GPC6: variants seen among roughly 807,000 people sequenced by gnomAD.
GPC6 encodes the protein glypican 6, also known as glypican-6.
GPC6 carries 14 observed loss-of-function variants against 55.2 expected under a neutral mutation model. The ratio of observed to expected loss-of-function variants is 0.25; its 90% CI spans 0.17 to 0.40. The LOEUF is 0.40. Among genes scored for constraint, GPC6 ranks in the 10% least tolerant of loss-of-function variants. The pLI, the probability that GPC6 is intolerant of heterozygous loss-of-function variation, is 1.00. For missense variants in GPC6, 641 were observed against 708.5 expected, an observed-to-expected ratio of 0.90 and a Z score of 1.08; for synonymous variants, 278 against 259.6, an observed-to-expected ratio of 1.07 and a Z score of -0.68.
chr13:93,347,565 C>T (rs567591701), intron 1 of GPC6, among the ~76,000 whole-genome samples: 3 of 152,182 alleles, frequency 2.0e-5, no homozygotes, highest in East Asian at 1.9e-4. Flanking sequence ...GCCCCAACAT[C>T]GAGTCTAATG....
intron 2 of GPC6, among the ~76,000 whole-genome samples, chr13:93,577,323 T>C (rs1027751476): frequency 2.6e-5 from 4 of 152,136 alleles, no homozygotes; most frequent in Admixed American, 6.6e-5. Flanking sequence ...AACATTCTTA[T>C]GTAACTGCAG....
intron 1 of GPC6, among the ~76,000 whole-genome samples, chr13:93,251,291 G>T (rs746930202): frequency 6.6e-6 from 1 of 152,116 alleles, no homozygotes; most frequent in Non-Finnish European, 1.5e-5. Context: ...TGGAATTCAA[G>T]CCCTTCTGCC....
At chr13:94,141,378 G>C (rs1386627995) in intron 4 of GPC6, among the ~76,000 whole-genome samples, 1 of 152,090 alleles carries the variant, frequency 6.6e-6, no homozygotes, top group East Asian at 1.9e-4. Flanking sequence ...TGACTTGTAA[G>C]GGTGTGTGAC....
chr13:93,677,958 C>A (rs1283196260), intron 2 of GPC6, among the ~76,000 whole-genome samples: 1 of 152,116 alleles, frequency 6.6e-6, no homozygotes. Context: ...AATTTATCCA[C>A]ATGGATTAAA....
intron 2 of GPC6, among the ~76,000 whole-genome samples, chr13:93,734,482 A>C (rs1883930119): frequency 6.6e-6 from 1 of 152,298 alleles, no homozygotes; most frequent in African/African-American, 2.4e-5. Flanking sequence ...GGGACTGGAA[A>C]ACCACTCCCT....
chr13:93,501,930 T>C (rs1880534516), intron 1 of GPC6, among the ~76,000 whole-genome samples: 1 of 152,168 alleles, frequency 6.6e-6, no homozygotes, highest in South Asian at 2.1e-4. Context: ...TGTTTAATAA[T>C]TTGAAATGCT....
chr13:93,975,518 T>C (rs1311214572), intron 3 of GPC6, among the ~76,000 whole-genome samples: 1 of 152,192 alleles, frequency 6.6e-6, no homozygotes. Flanking sequence ...GACTTGCTGA[T>C]TGGCAATAAG....
chr13:94,147,810 T>TTCTTGTAGATTCTTGTAG (rs1380237402), intron 4 of GPC6, among the ~76,000 whole-genome samples: 1 of 152,160 alleles, frequency 6.6e-6, no homozygotes, highest in Non-Finnish European at 1.5e-5. Context: ...TTTTTACTCA[T>TTCTTGTAGATTCTTGTAG]AACATTCTTG....
chr13:93,875,217 T>C (rs1250056031), intron 3 of GPC6, among the ~76,000 whole-genome samples: 1 of 151,964 alleles, frequency 6.6e-6, no homozygotes, highest in African/African-American at 2.4e-5. Flanking sequence ...TTCCCAAGAC[T>C]ACTCTGCAAA....
At chr13:94,117,119 T>C (rs1458844653) in intron 4 of GPC6, among the ~76,000 whole-genome samples, 1 of 152,108 alleles carries the variant, frequency 6.6e-6, no homozygotes, top group Non-Finnish European at 1.5e-5. Context: ...TGTTCCTTAC[T>C]TGGTATCCAA....
At chr13:94,016,462 G>A (rs1432441193) in intron 3 of GPC6, among the ~76,000 whole-genome samples, 1 of 152,140 alleles carries the variant, frequency 6.6e-6, no homozygotes, top group Non-Finnish European at 1.5e-5. Context: ...CCCAGAAGTG[G>A]CATTGCTAGG....
chr13:93,314,897 TTTTG>T (rs770801120), intron 1 of GPC6, among the ~76,000 whole-genome samples: 5 of 152,100 alleles, frequency 3.3e-5, no homozygotes, highest in Non-Finnish European at 5.9e-5. Context: ...TTTTGTTTTG[TTTTG>T]TTTGTTTGTT....
intron 1 of GPC6, among the ~76,000 whole-genome samples, chr13:93,429,220 ACTCATACATATT>A (rs1877263168): frequency 1.3e-5 from 2 of 152,154 alleles, no homozygotes; most frequent in Admixed American, 1.3e-4. Flanking sequence ...AGGCTGCAAT[ACTCATACATATT>A]CTCTAAACTT....
At position 93,373,604 on chromosome 13, in the gene GPC6, C is replaced by T. The variant is rs138054977; in HGVS notation, c.160+145988C>T. On this transcript the variant is annotated intron_variant, in intron 1 of 8. Transcript: ENST00000377047. ...TTTCATTATACTTAGATTAGTGTGTCGTCTGTGGTGATACTCTGTAAAGCA... is the reference window on the plus strand; with the variant it reads ...TTTCATTATACTTAGATTAGTGTGTTGTCTGTGGTGATACTCTGTAAAGCA... 3.2e-3 allele frequency among the ~76,000 whole-genome samples: 482 copies of T among 152,150 alleles called. 1 individual carries two copies. The highest frequency in any genetic ancestry group is 0.011 in the African/African-American group (460 of 41,534).
chr13:93,406,949 A>G (rs1876316462), intron 1 of GPC6, among the ~76,000 whole-genome samples: 1 of 152,200 alleles, frequency 6.6e-6, no homozygotes, highest in Non-Finnish European at 1.5e-5. Context: ...ACAAAATGTA[A>G]TTTTTGATTT....
At chr13:93,550,662 C>G (rs1004365510) in intron 2 of GPC6, among the ~76,000 whole-genome samples, 1 of 151,732 alleles carries the variant, frequency 6.6e-6, no homozygotes, top group African/African-American at 2.4e-5. Context: ...GTGGCAATAA[C>G]GTAATGATTT....
intron 3 of GPC6, among the ~76,000 whole-genome samples, chr13:93,876,870 T>C (rs1278256016): frequency 6.6e-6 from 1 of 152,080 alleles, no homozygotes; most frequent in African/African-American, 2.4e-5. Context: ...CTGGGTATGT[T>C]GCACAGGCAT....
In GPC6 at chr13:94,332,098, C is replaced by T. The variant is rs151017128; in HGVS notation, c.1152+25975C>T. ...TAAGAGCAGGCTGGAAGAATCTCCC[C>T]GAACAGGTTCTAGAAACTGGACATT... On this transcript the variant is annotated intron_variant, in intron 6 of 8. Coordinates refer to ENST00000377047, the MANE Select transcript of GPC6 (RefSeq NM_005708.5). 5.6e-3 allele frequency among the ~76,000 whole-genome samples: 857 copies of T among 152,262 alleles called. 7 individuals are homozygous for T. The highest frequency in any genetic ancestry group is 9.2e-3 in the Non-Finnish European group (628 of 68,012).
chr13:93,893,543 G>A (rs534556955), intron 3 of GPC6, among the ~76,000 whole-genome samples: 1 of 152,264 alleles, frequency 6.6e-6, no homozygotes, highest in South Asian at 2.1e-4. Flanking sequence ...CAACAAGGAT[G>A]TTATTTAACC....
Sources: gnomAD v4.1 joint callset for allele counts (sites outside exome capture counted in the v4.1 genomes callset) on GRCh38, gnomAD v4.1.1 for gene constraint, MANE v1.5 for transcripts, NCBI Gene and HGNC (gene_info 2026-07-23, HGNC 2026-07-21) for gene names.